VPS13B: variants seen among roughly 807,000 people sequenced by gnomAD.
The protein encoded by VPS13B is intermembrane lipid transfer protein VPS13B.
VPS13B carries 285 observed loss-of-function variants against 426.4 expected under a neutral mutation model. The ratio of observed to expected loss-of-function variants is 0.67; its 90% CI spans 0.61 to 0.74. VPS13B has a LOEUF of 0.74. Among genes scored for constraint, VPS13B ranks in the 30% least tolerant of loss-of-function variants. The probability of loss-of-function intolerance (pLI) is 0.00; values close to 1 mark genes in which losing one functional copy is unlikely to be tolerated. For missense variants in VPS13B, 4,537 were observed against 4,782.6 expected, an observed-to-expected ratio of 0.95 and a Z score of 1.51; for synonymous variants, 1,676 against 1,676.4, an observed-to-expected ratio of 1.00 and a Z score of 0.01.
chr8:99,642,951 GAGA>G lies in VPS13B; in HGVS notation c.5908+456_5908+458del, dbSNP rs1217529888. 1.4e-4 allele frequency among the ~76,000 whole-genome samples: 21 copies of G among 152,276 alleles called. 1 individual carries two copies. The highest frequency in any genetic ancestry group is 1.2e-3 in the Admixed American group (18 of 15,286). On this transcript the variant is annotated intron_variant, in intron 34 of 61. Transcript: ENST00000357162. ...CAATAGCATCGTATTAAATGTAATTGAGAAGGTTTATTAATAAAGATTATTTAA... is the reference window on the plus strand; with the variant it reads ...CAATAGCATCGTATTAAATGTAATTGAGGTTTATTAATAAAGATTATTTAA...
chr8:99,246,086 C>T (rs1440407541), intron 17 of VPS13B, among the ~76,000 whole-genome samples: 3 of 152,224 alleles, frequency 2.0e-5, no homozygotes, highest in African/African-American at 7.2e-5. Context: ...GGTCTCCAAA[C>T]TTGCCCAACA....
In VPS13B at chr8:99,859,417, C is replaced by T; in HGVS notation, c.10981C>T (p.Pro3661Ser). The change falls in exon 57 of 62, where the codon CCT becomes TCT. Residue 3661 changes from proline to serine, a missense_variant. By Grantham distance (74) the Pro-to-Ser change is moderately conservative. Around this residue, in one of 2 missense-constraint regions of VPS13B, gnomAD observed 4,311 missense variants for 4,474.3 expected, o/e 0.96. Coordinates refer to ENST00000357162, the MANE Select transcript of VPS13B (RefSeq NM_152564.5). ...RLPYEGLTRG[P>S]GAFVSGVSRG... ...TCCGTATGAGGGGCTGACCCGGGGC[C>T]CTGGAGCCTTCGTGAGTGGCGTCTC... The T allele has an allele frequency of 6.2e-7, 1 of 1,614,158 alleles. No homozygotes were observed. Among genetic ancestry groups the T allele is most frequent in the Admixed American group, 1.7e-5 (1 of 60,024 alleles).
At chr8:99,631,271 C>CTAAG (rs1828835513) in intron 33 of VPS13B, among the ~76,000 whole-genome samples, 1 of 152,196 alleles carries the variant, frequency 6.6e-6, no homozygotes, top group South Asian at 2.1e-4. Context: ...GACTTCATGT[C>CTAAG]TTAGCCCCAT....
chr8:99,418,529 T>TTTC lies in VPS13B; in HGVS notation c.3083-13008_3083-13007insTTC, dbSNP rs1204001830. Among the ~76,000 whole-genome samples the TTTC allele has an allele frequency of 2.7e-3, 346 of 129,326 alleles. 4 individuals are homozygous for TTTC. The highest frequency in any genetic ancestry group is 9.9e-3 in the African/African-American group (331 of 33,446). 84.8% of individuals were successfully genotyped at this position (129,326 alleles called of 152,430 possible). A position where few individuals can be genotyped will look rare whatever the true frequency, so the allele number is the denominator to read the frequency against. On this transcript the variant is annotated intron_variant, in intron 21 of 61. Coordinates refer to ENST00000357162, the MANE Select transcript of VPS13B (RefSeq NM_152564.5). ...TTTCTTTCTTTCCTTTCTTTCTTTCTCTTTCTTTTCTTTTCTTTTCTTTTC... is the reference window on the plus strand; with the variant it reads ...TTTCTTTCTTTCCTTTCTTTCTTTCTTTCCTTTCTTTTCTTTTCTTTTCTTTTC...
At chr8:99,134,964 C>T (rs1252978161) in intron 9 of VPS13B, 51 bp from the exon 10 acceptor site, 9 of 1,607,518 alleles carry the variant, frequency 5.6e-6, no homozygotes, top group Non-Finnish European at 6.8e-6. Flanking sequence ...AAGCCTCTAA[C>T]ATTTTTATTA....
At chr8:99,019,473 T>C (rs1841783239) in intron 2 of VPS13B, among the ~76,000 whole-genome samples, 1 of 152,192 alleles carries the variant, frequency 6.6e-6, no homozygotes, top group African/African-American at 2.4e-5. Flanking sequence ...GTGCTGGGCT[T>C]ACAAGCATGA....
chr8:99,422,747 C>G (rs1319905844), intron 21 of VPS13B, among the ~76,000 whole-genome samples: 8 of 152,144 alleles, frequency 5.3e-5, no homozygotes, highest in Admixed American at 5.2e-4. Flanking sequence ...AATTCTGAAA[C>G]ATATATAGTA....
intron 25 of VPS13B, among the ~76,000 whole-genome samples, chr8:99,486,446 GA>G (rs1021321957): frequency 3.3e-5 from 5 of 152,024 alleles, no homozygotes; most frequent in African/African-American, 1.2e-4. Flanking sequence ...GGCTGGTCTG[GA>G]ACTCCTGACC....
intron 44 of VPS13B, 127 bp downstream of exon 44, chr8:99,809,657 G>A (rs1813597657): frequency 8.9e-7 from 1 of 1,119,854 alleles, no homozygotes. Flanking sequence ...TACCATGCAT[G>A]TGAGCATTTA....
intron 34 of VPS13B, among the ~76,000 whole-genome samples, chr8:99,649,009 A>G (rs1265745872): frequency 6.6e-6 from 1 of 151,354 alleles, no homozygotes; most frequent in Non-Finnish European, 1.5e-5. Context: ...TTCTGGGTTG[A>G]CATGTCTTCT....
chr8:99,261,575 T>C (rs781070219), intron 17 of VPS13B, among the ~76,000 whole-genome samples: 3 of 152,178 alleles, frequency 2.0e-5, no homozygotes, highest in Non-Finnish European at 4.4e-5. Flanking sequence ...TTTGGGTAGA[T>C]ACCAAAGAGT....
At chr8:99,787,735 C>T (rs1442051129) in intron 43 of VPS13B, among the ~76,000 whole-genome samples, 1 of 152,156 alleles carries the variant, frequency 6.6e-6, no homozygotes, top group East Asian at 1.9e-4. Context: ...ATAGTGACAT[C>T]TCCACCAACT....
At chr8:99,842,389 G>C (rs549318182) in intron 54 of VPS13B, among the ~76,000 whole-genome samples, 5 of 151,944 alleles carry the variant, frequency 3.3e-5, no homozygotes, top group African/African-American at 1.2e-4. Flanking sequence ...GGAGCATCAC[G>C]TGGGGCCAGG....
In VPS13B at chr8:99,337,076, C is replaced by T. The variant is rs557483193; in HGVS notation, c.2825-47132C>T. ...GACACATGCACACGTATGTTTATTG[C>T]GGCACTATTCACAATAGCAAAGACT... On this transcript the variant is annotated intron_variant, in intron 19 of 61. Coordinates refer to ENST00000357162, the MANE Select transcript of VPS13B (RefSeq NM_152564.5). 1.5e-3 allele frequency among the ~76,000 whole-genome samples: 221 copies of T among 152,048 alleles called. 2 individuals are homozygous for T. The highest frequency in any genetic ancestry group is 2.0e-3 in the African/African-American group (84 of 41,464).
At chr8:99,809,598 T>A in intron 44 of VPS13B, 68 bp downstream of exon 44, 1 of 1,593,628 alleles carries the variant, frequency 6.3e-7, no homozygotes, top group Admixed American at 1.7e-5. Context: ...TGAAAATAAT[T>A]AATAATTTTT....
intron 2 of VPS13B, among the ~76,000 whole-genome samples, chr8:99,018,420 T>C (rs1841726221): frequency 6.6e-6 from 1 of 152,134 alleles, no homozygotes; most frequent in Admixed American, 6.5e-5. Flanking sequence ...TATTTTTAAA[T>C]AATTTGTTAC....
At chr8:99,406,647 A>T (rs1453380654) in intron 21 of VPS13B, among the ~76,000 whole-genome samples, 1 of 152,204 alleles carries the variant, frequency 6.6e-6, no homozygotes, top group Non-Finnish European at 1.5e-5. Context: ...ACAATGCAGG[A>T]TATTAAGATA....
chr8:99,172,177 C>G (rs1256517677), intron 16 of VPS13B, among the ~76,000 whole-genome samples: 1 of 152,066 alleles, frequency 6.6e-6, no homozygotes, highest in Admixed American at 6.6e-5. Context: ...TTGTTAAAGC[C>G]TAACTAAAAT....
At chr8:99,248,745 G>T (rs942944307) in intron 17 of VPS13B, among the ~76,000 whole-genome samples, 20 of 152,064 alleles carry the variant, frequency 1.3e-4, no homozygotes, top group Non-Finnish European at 2.1e-4. Flanking sequence ...TTTGTCTTAG[G>T]TTTTAAATAT....
Sources: gnomAD v4.1 joint callset for allele counts (sites outside exome capture counted in the v4.1 genomes callset) on GRCh38, gnomAD v4.1.1 for gene constraint, gnomAD v4.1.1 regional missense constraint, MANE v1.5 for transcripts, NCBI Gene and HGNC (gene_info 2026-07-23, HGNC 2026-07-21) for gene names.